FCHSD2: variants seen among roughly 807,000 people sequenced by gnomAD.
FCHSD2 encodes F-BAR and double SH3 domains protein 2.
A neutral mutation model predicts 108.1 loss-of-function variants in FCHSD2; 38 were observed. That is an observed-to-expected ratio of 0.35 (90% confidence interval 0.27 to 0.46). The LOEUF is 0.46. Among genes scored for constraint, FCHSD2 ranks in the 20% least tolerant of loss-of-function variants. The pLI, the probability that FCHSD2 is intolerant of heterozygous loss-of-function variation, is 1.00. For synonymous variants in FCHSD2, 279 were observed against 314.7 expected (o/e 0.89, Z 1.20); for missense variants, 751 against 897.8 (o/e 0.84, Z 2.09).
At chr11:72,987,775 T>C (rs1466098652) in intron 6 of FCHSD2, among the ~76,000 whole-genome samples, 2 of 152,194 alleles carry the variant, frequency 1.3e-5, no homozygotes, top group Admixed American at 6.5e-5. Context: ...CAATTCTCTG[T>C]TCTAGGATCT....
intron 3 of FCHSD2, among the ~76,000 whole-genome samples, chr11:73,032,266 T>G (rs1349928225): frequency 6.6e-6 from 1 of 152,214 alleles, no homozygotes; most frequent in East Asian, 1.9e-4. Flanking sequence ...TCTCACTCTG[T>G]TGCCCGGGCT....
At chr11:72,911,886 C>T (rs922757237) in intron 9 of FCHSD2, among the ~76,000 whole-genome samples, 1 of 152,174 alleles carries the variant, frequency 6.6e-6, no homozygotes, top group East Asian at 1.9e-4. Context: ...TGGTTAATTC[C>T]TATGTATTTT....
intron 14 of FCHSD2, among the ~76,000 whole-genome samples, chr11:72,847,823 G>C (rs1861186524): frequency 6.6e-6 from 1 of 151,338 alleles, no homozygotes. Context: ...CTCCCTAGTA[G>C]CTGAGATTAC....
At chr11:72,878,383 CAAAGAAAAGATAAA>C (rs1855013429) in intron 12 of FCHSD2, among the ~76,000 whole-genome samples, 2 of 152,100 alleles carry the variant, frequency 1.3e-5, no homozygotes, top group Admixed American at 6.6e-5. Context: ...GCTCTAACAA[CAAAGAAAAGATAAA>C]AAAGAAAATG....
At chr11:72,857,435 CTTTTT>C (rs56061370) in intron 13 of FCHSD2, among the ~76,000 whole-genome samples, 4 of 82,278 alleles carry the variant, frequency 4.9e-5, no homozygotes, top group Admixed American at 1.4e-4. Flanking sequence ...ATGCTTACTC[CTTTTT>C]TTTTTTTTTT....
intron 2 of FCHSD2, among the ~76,000 whole-genome samples, chr11:73,139,752 T>G (rs967247616): frequency 6.6e-6 from 1 of 152,216 alleles, no homozygotes; most frequent in African/African-American, 2.4e-5. Flanking sequence ...GTGGAAAGAT[T>G]ATTTAAACAA....
At chr11:73,108,281 G>A (rs1428155973) in intron 2 of FCHSD2, among the ~76,000 whole-genome samples, 1 of 152,182 alleles carries the variant, frequency 6.6e-6, no homozygotes, top group Non-Finnish European at 1.5e-5. Context: ...AGTTGTTTAA[G>A]CTCATTACAT....
chr11:73,070,665 A>T (rs1278119598), intron 3 of FCHSD2, among the ~76,000 whole-genome samples: 1 of 151,946 alleles, frequency 6.6e-6, no homozygotes, highest in East Asian at 1.9e-4. Context: ...GCCTCAAGTG[A>T]TCTGCCCACC....
At chr11:72,858,508 AAC>A (rs1861483902) in intron 13 of FCHSD2, among the ~76,000 whole-genome samples, 1 of 152,214 alleles carries the variant, frequency 6.6e-6, no homozygotes, top group Non-Finnish European at 1.5e-5. Flanking sequence ...TTAGCAAACT[AAC>A]ACAGGAACAG....
At position 73,057,754 on chromosome 11, in the gene FCHSD2, A is replaced by G. The variant is rs116229484; in HGVS notation, c.165+25941T>C. On this transcript the variant is annotated intron_variant, in intron 3 of 19. Coordinates refer to ENST00000409418, the MANE Select transcript of FCHSD2 (RefSeq NM_014824.3). ...AATCAAGCTCAGTCCCTAACCCTTT[A>G]AATCAGAGCTTCCCAAACAATGTAT... Among the ~76,000 whole-genome samples the G allele has an allele frequency of 4.1e-3, 623 of 152,334 alleles. 2 individuals carry two copies. The highest frequency in any genetic ancestry group is 0.014 in the African/African-American group (591 of 41,586).
At chr11:73,139,461 T>C (rs1861196893) in intron 2 of FCHSD2, among the ~76,000 whole-genome samples, 1 of 152,234 alleles carries the variant, frequency 6.6e-6, no homozygotes, top group Non-Finnish European at 1.5e-5. Flanking sequence ...AGAAAGATAC[T>C]GATTTTCACA....
At chr11:72,857,876 AAAGC>A in intron 13 of FCHSD2, among the ~76,000 whole-genome samples, 1 of 152,276 alleles carries the variant, frequency 6.6e-6, no homozygotes, top group East Asian at 1.9e-4. Context: ...CATGAGGTAG[AAAGC>A]AGGGTCTTGG....
intron 13 of FCHSD2, among the ~76,000 whole-genome samples, chr11:72,864,666 T>C (rs886301614): frequency 2.0e-5 from 3 of 152,250 alleles, no homozygotes; most frequent in African/African-American, 7.2e-5. Flanking sequence ...ATTATAAGGA[T>C]GGAGCTATTA....
At chr11:73,080,081 T>C (rs1591537218) in intron 3 of FCHSD2, among the ~76,000 whole-genome samples, 2 of 152,026 alleles carry the variant, frequency 1.3e-5, no homozygotes, top group African/African-American at 4.8e-5. Context: ...GGAGAATTAC[T>C]TGAACCCAGG....
chr11:73,079,032 C>T (rs1859621854), intron 3 of FCHSD2, among the ~76,000 whole-genome samples: 1 of 151,964 alleles, frequency 6.6e-6, no homozygotes, highest in African/African-American at 2.4e-5. Flanking sequence ...TGGTAATGTT[C>T]TATACCTTAA....
chr11:72,934,914 C>T (rs1367760058), intron 8 of FCHSD2, among the ~76,000 whole-genome samples: 1 of 152,022 alleles, frequency 6.6e-6, no homozygotes, highest in African/African-American at 2.4e-5. Context: ...TTAATGACTC[C>T]ACAATATTTT....
At chr11:72,876,301 G>A (rs1169366669) in intron 12 of FCHSD2, among the ~76,000 whole-genome samples, 2 of 152,178 alleles carry the variant, frequency 1.3e-5, no homozygotes, top group Non-Finnish European at 1.5e-5. Context: ...TCCAGCCTGC[G>A]AGACAGAGTG....
intron 8 of FCHSD2, among the ~76,000 whole-genome samples, chr11:72,982,828 TA>T (rs1857238393): frequency 6.6e-6 from 1 of 152,154 alleles, no homozygotes; most frequent in South Asian, 2.1e-4. Context: ...AAATTCAGGA[TA>T]AACGTAATGA....
rs900737846 is a variant in FCHSD2 at position 73,027,831 on chromosome 11, G to A, written c.166-11946C>T. 3.3e-5 allele frequency among the ~76,000 whole-genome samples: 5 copies of A among 152,254 alleles called. No homozygotes were observed. In the South Asian group the frequency reaches 6.2e-4, roughly 19 times the overall value. On this transcript the variant is annotated intron_variant, in intron 3 of 19. Transcript: ENST00000409418. ...CACCCCAGCTGCTCCAGCTCCAGCCGTGGCTAAAAGGGGCCAAGGTACAGC... is the reference window on the plus strand; with the variant it reads ...CACCCCAGCTGCTCCAGCTCCAGCCATGGCTAAAAGGGGCCAAGGTACAGC...
Sources: gnomAD v4.1 joint callset for allele counts (sites outside exome capture counted in the v4.1 genomes callset) on GRCh38, gnomAD v4.1.1 for gene constraint, MANE v1.5 for transcripts, NCBI Gene and HGNC (gene_info 2026-07-23, HGNC 2026-07-21) for gene names.